Variants in RNF216 observed in about 807,000 individuals in gnomAD.
RNF216 encodes E3 ubiquitin-protein ligase RNF216.
Under a neutral mutation model 110.8 loss-of-function variants are expected in RNF216, and 72 were observed. The observed-to-expected ratio is 0.65, with a 90% CI of 0.54 to 0.79. The LOEUF is 0.79. RNF216 is among the 30% of genes least tolerant of loss of function. The pLI is 0.00. For synonymous variants in RNF216, 495 were observed against 407.5 expected (o/e 1.21, Z -2.59); for missense variants, 1,342 against 1,141.2 (o/e 1.18, Z -2.54).
chr7:5,653,655 A>ACAGG (rs1475702690), intron 13 of RNF216, among the ~76,000 whole-genome samples: 1 of 151,630 alleles, frequency 6.6e-6, no homozygotes. Flanking sequence ...TCCAATGATC[A>ACAGG]CAGGCATTAA....
chr7:5,649,947 C>G (rs1479172553), intron 14 of RNF216: 3 of 152,184 alleles, frequency 2.0e-5, no homozygotes, highest in African/African-American at 7.2e-5. Context: ...TTGATTATGT[C>G]GTTCAATAGG....
At chr7:5,643,560 G>A (rs1787872134) in intron 14 of RNF216, among the ~76,000 whole-genome samples, 2 of 152,058 alleles carry the variant, frequency 1.3e-5, no homozygotes, top group Admixed American at 1.3e-4. Context: ...CCAGTGTGTG[G>A]GTAACTCCTC....
At position 5,712,797 on chromosome 7, in the gene RNF216, G is replaced by A; in HGVS notation, c.1900C>T (p.Leu634Phe). The A allele has an allele frequency of 3.7e-6, 6 of 1,614,024 alleles. No individual in the cohort carries two copies. The highest frequency in any genetic ancestry group is 5.1e-6 in the Non-Finnish European group (6 of 1,180,010). ...SFPTSELEKV[L>F]PQTILYKYYE... ...TACTTATACAGGATGGTCTGGGGGAGCACCTTCTCCAGCTCACTGGTTGGG... is the reference window on the plus strand; with the variant it reads ...TACTTATACAGGATGGTCTGGGGGAACACCTTCTCCAGCTCACTGGTTGGG... Residue 634 changes from leucine (L) to phenylalanine (F), a missense_variant, in exon 12 of 17, where the codon CTC becomes TTC. By Grantham distance (22) the Leu-to-Phe change is conservative. Transcript: ENST00000389902.
intron 13 of RNF216, among the ~76,000 whole-genome samples, chr7:5,683,784 A>G (rs1325367085): frequency 6.6e-6 from 1 of 152,228 alleles, no homozygotes; most frequent in Non-Finnish European, 1.5e-5. Context: ...TACAATTATC[A>G]TCAGTGTCTA....
intron 8 of RNF216, among the ~76,000 whole-genome samples, chr7:5,722,622 C>T (rs1464025214): frequency 6.6e-6 from 1 of 151,974 alleles, no homozygotes; most frequent in Non-Finnish European, 1.5e-5. Context: ...GATCTCCCGA[C>T]CTCGTGATCC....
chr7:5,748,994 T>G (rs1162984297), intron 3 of RNF216, among the ~76,000 whole-genome samples: 1 of 152,196 alleles, frequency 6.6e-6, no homozygotes, highest in Non-Finnish European at 1.5e-5. Context: ...GAGAGAACTC[T>G]GATAATCGGT....
chr7:5,634,731 G>A (rs537476951), intron 15 of RNF216, among the ~76,000 whole-genome samples: 240 of 152,328 alleles, frequency 1.6e-3, no homozygotes, highest in Non-Finnish European at 2.0e-3. Flanking sequence ...CATGTTTTGC[G>A]TCCCGTCAGG....
intron 1 of RNF216, among the ~76,000 whole-genome samples, chr7:5,768,786 C>G (rs548217069): frequency 1.3e-5 from 2 of 151,716 alleles, no homozygotes. Context: ...CTCACCCTCC[C>G]GAGTAACTAA....
Position 5,623,022 on chromosome 7 carries a change from C to G in RNF216, c.2610G>C (p.Arg870=), listed in dbSNP as rs145982348. Reference sequence around the variant, plus strand: ...TGAGTGGGAAGTTGTTGAACACAGGCCGCACGGGAGGCAGGGGGAAGGGTG... The same window carrying G: ...TGAGTGGGAAGTTGTTGAACACAGGGCGCACGGGAGGCAGGGGGAAGGGTG... ...AHPPFPLPPV[R]PVFNNFPLNM... The change falls in exon 17 of 17, where the codon CGG becomes CGC. Residue 870 remains arginine (R), a synonymous_variant. Transcript: ENST00000389902. 1 of 1,614,006 alleles carries G rather than the reference C, an allele frequency of 6.2e-7. No homozygotes were observed. The highest frequency in any genetic ancestry group is 1.1e-5 in the South Asian group (1 of 91,070).
intron 15 of RNF216, among the ~76,000 whole-genome samples, chr7:5,639,430 T>C (rs542487706): frequency 6.6e-6 from 1 of 152,082 alleles, no homozygotes. Context: ...GAACCCAAAG[T>C]GCCGGGATTA....
chr7:5,760,481 A>G, intron 2 of RNF216: 1 of 373,590 alleles, frequency 2.7e-6, no homozygotes, highest in Admixed American at 3.0e-5. Context: ...ACGCCATTGC[A>G]CTCTGGCCTG....
At chr7:5,772,647 A>G (rs986786617) in intron 1 of RNF216, among the ~76,000 whole-genome samples, 3 of 152,200 alleles carry the variant, frequency 2.0e-5, no homozygotes, top group African/African-American at 7.2e-5. Context: ...TAGTCAAATA[A>G]TATCAGCATT....
intron 13 of RNF216, among the ~76,000 whole-genome samples, chr7:5,684,849 G>A (rs1790877085): frequency 6.6e-6 from 1 of 150,924 alleles, no homozygotes; most frequent in South Asian, 2.1e-4. Flanking sequence ...GATGAAAAGA[G>A]AGGTCAGTAA....
chr7:5,768,693 G>C (rs1584611902), intron 1 of RNF216, among the ~76,000 whole-genome samples: 2 of 141,856 alleles, frequency 1.4e-5, no homozygotes, highest in South Asian at 4.5e-4. Context: ...ACAGAGTCTT[G>C]CTCTGTCGCC....
At chr7:5,683,402 G>A (rs1002903108) in intron 13 of RNF216, among the ~76,000 whole-genome samples, 1 of 152,124 alleles carries the variant, frequency 6.6e-6, no homozygotes, top group African/African-American at 2.4e-5. Flanking sequence ...CTATTTTCCT[G>A]CAACAGTGCC....
chr7:5,729,127 T>C (rs771321382), intron 7 of RNF216, among the ~76,000 whole-genome samples: 15 of 152,150 alleles, frequency 9.9e-5, no homozygotes, highest in African/African-American at 2.9e-4. Context: ...TGTCCCAAGT[T>C]GGAAAGCAAA....
intron 13 of RNF216, among the ~76,000 whole-genome samples, chr7:5,671,833 CAGAG>C (rs1193628188): frequency 1.6e-5 from 2 of 122,918 alleles, no homozygotes; most frequent in South Asian, 2.4e-4. Flanking sequence ...AAAAAAAGGA[CAGAG>C]AGAGACACCA....
chr7:5,725,224 T>C (rs779062827), intron 8 of RNF216, 100 bp downstream of exon 8: 4 of 711,292 alleles, frequency 5.6e-6, no homozygotes, highest in South Asian at 1.8e-5. Context: ...CCTGTCCAGA[T>C]GCTCAGCAGA....
intron 14 of RNF216, among the ~76,000 whole-genome samples, chr7:5,642,485 G>C (rs911703905): frequency 2.6e-5 from 4 of 150,968 alleles, no homozygotes; most frequent in South Asian, 2.1e-4. Flanking sequence ...AAAGTGCTGG[G>C]ATTACAAGTG....
Sources: gnomAD v4.1 joint callset for allele counts (sites outside exome capture counted in the v4.1 genomes callset) on GRCh38, gnomAD v4.1.1 for gene constraint, MANE v1.5 for transcripts, NCBI Gene and HGNC (gene_info 2026-07-23, HGNC 2026-07-21) for gene names.